The following CLHC1 variants were observed in gnomAD, a reference collection of about 807,000 sequenced individuals.
The protein encoded by CLHC1 is clathrin heavy chain linker domain-containing protein 1.
Under a neutral mutation model 69.5 loss-of-function variants are expected in CLHC1, and 72 were observed. The ratio of observed to expected loss-of-function variants is 1.04; its 90% CI spans 0.86 to 1.26. The LOEUF (loss-of-function observed/expected upper bound fraction) is 1.26. Ranked by LOEUF, CLHC1 falls within the 50% of genes most tolerant of loss-of-function variation. The pLI is 0.00. For synonymous variants in CLHC1, 223 were observed against 224.3 expected (o/e 0.99, Z 0.05); for missense variants, 790 against 679.3 (o/e 1.16, Z -1.81).
In CLHC1 at chr2:55,231,528, A is replaced by G. The variant is rs1334468440; in HGVS notation, c.-256+695T>C. ...TAGTGAAGGTGGGTTAGAAAGGAGGAAAGACTGGAGAGAGATAAGGAGTTA... is the reference window on the plus strand; with the variant it reads ...TAGTGAAGGTGGGTTAGAAAGGAGGGAAGACTGGAGAGAGATAAGGAGTTA... On this transcript the variant is annotated intron_variant, in intron 1 of 12. Coordinates refer to ENST00000401408, the MANE Select transcript of CLHC1 (RefSeq NM_152385.4). 3.3e-5 allele frequency among the ~76,000 whole-genome samples: 5 copies of G among 152,286 alleles called. No homozygotes were observed. In the East Asian group the frequency reaches 7.7e-4, roughly 24 times the overall value.
At chr2:55,199,661 T>C (rs1057098779) in intron 9 of CLHC1, among the ~76,000 whole-genome samples, 1 of 152,200 alleles carries the variant, frequency 6.6e-6, no homozygotes, top group Non-Finnish European at 1.5e-5. Flanking sequence ...CAATCAGTGT[T>C]GTAATCAGTT....
intron 9 of CLHC1, among the ~76,000 whole-genome samples, chr2:55,184,703 G>A (rs767449228): frequency 1.3e-5 from 2 of 151,972 alleles, no homozygotes; most frequent in African/African-American, 4.8e-5. Context: ...TCAGGAGTTC[G>A]AGACCAGTCT....
chr2:55,228,641 C>T (rs1674946124), intron 1 of CLHC1, among the ~76,000 whole-genome samples: 1 of 152,182 alleles, frequency 6.6e-6, no homozygotes, highest in Non-Finnish European at 1.5e-5. Context: ...GGCATCTCAT[C>T]AGCCTACGGA....
intron 9 of CLHC1, among the ~76,000 whole-genome samples, chr2:55,190,982 G>C (rs1354061812): frequency 6.6e-6 from 1 of 152,086 alleles, no homozygotes; most frequent in Non-Finnish European, 1.5e-5. Flanking sequence ...TAGTCATAGA[G>C]AAAAGACACA....
At position 55,212,677 on chromosome 2, in the gene CLHC1, A is replaced by G. The variant is rs1573730099; in HGVS notation, c.495T>C (p.Ile165=). ...ATTTTAAACAAAATACAATACCTGG[A>G]ATAGGTTTTGAAGGATCTTTGGAGA... ...CTFSKDPSKP[I]PGMTLQESMN... Residue 165 remains isoleucine, a synonymous_variant, in exon 5 of 13, where the codon ATT becomes ATC. Coordinates refer to ENST00000401408, the MANE Select transcript of CLHC1 (RefSeq NM_152385.4). 1 of 1,595,414 alleles carries G rather than the reference A, an allele frequency of 6.3e-7. No homozygotes were observed. The highest frequency in any genetic ancestry group is 1.3e-5 in the African/African-American group (1 of 74,664).
In CLHC1 at chr2:55,180,512, G is replaced by C; in HGVS notation, c.1382C>G (p.Thr461Ser). The stretch of plus-strand genomic sequence containing the variant: ...AAATGGCAGACTTTTTAACTTACCG[G>C]TAGTAAAGTCCTTCAACTGCTGTAT... ...EYIQQLKDFT[T>S]DDLLQLLMSC... Residue 461 changes from threonine (T) to serine (S), a missense_variant and splice_region_variant, in exon 11 of 13, where the codon ACC (threonine) becomes AGC (serine). Coordinates refer to ENST00000401408, the MANE Select transcript of CLHC1 (RefSeq NM_152385.4). 1 of 1,610,692 alleles carries C rather than the reference G, an allele frequency of 6.2e-7. No individual in the cohort carries two copies. Among genetic ancestry groups the C allele is most frequent in the Non-Finnish European group, 8.5e-7 (1 of 1,177,120 alleles).
In CLHC1 at chr2:55,212,817, G is replaced by C; in HGVS notation, c.366-11C>G. 6.3e-7 allele frequency: 1 copy of C among 1,593,186 alleles called. No individual in the cohort carries two copies. Among genetic ancestry groups the C allele is most frequent in the Non-Finnish European group, 8.6e-7 (1 of 1,161,914 alleles). On this transcript the variant is annotated splice_polypyrimidine_tract_variant and intron_variant, in intron 4 of 12. Transcript: ENST00000401408. ...TCGATAATCCTCATTCTGGAAAACA[G>C]AAAGGCTTTCTTATGTCTTTCAACT...
intron 9 of CLHC1, among the ~76,000 whole-genome samples, chr2:55,197,078 G>A (rs972685267): frequency 1.3e-5 from 2 of 152,166 alleles, no homozygotes; most frequent in Admixed American, 1.3e-4. Context: ...CTGTGGGCCT[G>A]TGGCAGTGCT....
chr2:55,213,022 T>C (rs963881382), intron 4 of CLHC1, among the ~76,000 whole-genome samples: 3 of 152,196 alleles, frequency 2.0e-5, no homozygotes, highest in African/African-American at 7.2e-5. Flanking sequence ...TATTGGAAAT[T>C]CGTTAAGTGC....
intron 9 of CLHC1, among the ~76,000 whole-genome samples, chr2:55,196,413 A>T (rs919121163): frequency 6.6e-6 from 1 of 152,212 alleles, no homozygotes; most frequent in Non-Finnish European, 1.5e-5. Context: ...GCAGCTCACA[A>T]CTGTGAAAAA....
chr2:55,212,056 C>T (rs947893693), intron 5 of CLHC1, among the ~76,000 whole-genome samples: 17 of 152,256 alleles, frequency 1.1e-4, no homozygotes, highest in African/African-American at 3.6e-4. Flanking sequence ...GCGGGTGGAT[C>T]GCTTGAGCCC....
intron 9 of CLHC1, among the ~76,000 whole-genome samples, chr2:55,199,879 G>A (rs1422595941): frequency 2.6e-5 from 4 of 152,062 alleles, no homozygotes; most frequent in African/African-American, 4.8e-5. Flanking sequence ...ACAGGAGTGA[G>A]TCCTTACTTA....
chr2:55,177,565 C>T, intron 12 of CLHC1, 37 bp downstream of exon 12: 1 of 1,465,560 alleles, frequency 6.8e-7, no homozygotes, highest in Non-Finnish European at 9.3e-7. Flanking sequence ...CTAGATAACC[C>T]ACTACTATTT....
At chr2:55,206,406 T>C (rs1672452156) in intron 8 of CLHC1, 30 bp from the exon 9 acceptor site, 7 of 1,213,822 alleles carry the variant, frequency 5.8e-6, no homozygotes, top group Non-Finnish European at 8.5e-6. Context: ...AAATGCATTA[T>C]AATGACACAA....
At chr2:55,207,210 G>A (rs936804877) in intron 8 of CLHC1, among the ~76,000 whole-genome samples, 3 of 151,954 alleles carry the variant, frequency 2.0e-5, no homozygotes, top group Non-Finnish European at 4.4e-5. Context: ...GTTCCCAATC[G>A]AAGATTAGCA....
At chr2:55,200,528 A>G (rs993018359) in intron 9 of CLHC1, among the ~76,000 whole-genome samples, 1 of 152,176 alleles carries the variant, frequency 6.6e-6, no homozygotes, top group African/African-American at 2.4e-5. Flanking sequence ...CAGATACATA[A>G]AGCAAATATT....
chr2:55,225,746 G>A (rs1674628704), intron 2 of CLHC1: 1 of 152,394 alleles, frequency 6.6e-6, no homozygotes, highest in Non-Finnish European at 1.5e-5. Flanking sequence ...CCCTCCTCCA[G>A]GCTCCCCATC....
chr2:55,182,978 A>C (rs1670065454), intron 9 of CLHC1, among the ~76,000 whole-genome samples: 1 of 152,216 alleles, frequency 6.6e-6, no homozygotes, highest in African/African-American at 2.4e-5. Flanking sequence ...AGACTAAAGC[A>C]GTAAACTAGG....
chr2:55,200,683 T>G (rs1172808082), intron 9 of CLHC1, among the ~76,000 whole-genome samples: 1 of 152,174 alleles, frequency 6.6e-6, no homozygotes, highest in Non-Finnish European at 1.5e-5. Flanking sequence ...AAAATGGATC[T>G]AATAGATGTT....
Sources: allele counts gnomAD v4.1 joint callset (sites outside exome capture counted in the v4.1 genomes callset), GRCh38; gene constraint gnomAD v4.1.1; transcripts MANE v1.5; gene names NCBI Gene and HGNC (gene_info 2026-07-23, HGNC 2026-07-21).